Variants in LAMP2 observed in about 807,000 individuals in gnomAD.
The protein encoded by LAMP2 is lysosome-associated membrane glycoprotein 2.
A neutral mutation model predicts 25.6 loss-of-function variants in LAMP2; 4 were observed. The ratio of observed to expected loss-of-function variants is 0.16; its 90% CI spans 0.08 to 0.36. The LOEUF (loss-of-function observed/expected upper bound fraction) is 0.36. LAMP2 is among the 10% of genes least tolerant of loss of function. The pLI is 1.00. For synonymous variants in LAMP2, 108 were observed against 112.7 expected (o/e 0.96, Z 0.27); for missense variants, 272 against 301.4 (o/e 0.90, Z 0.72).
rs1317062823 is a variant in LAMP2 at position 120,442,626 on chromosome X, T to G, written c.901A>C (p.Ile301Leu). 1 of 1,208,767 alleles carries G rather than the reference T, an allele frequency of 8.3e-7. No individual in the cohort carries two copies. Among genetic ancestry groups the G allele is most frequent in the Non-Finnish European group, 1.1e-6 (1 of 893,923 alleles). The change falls in exon 7 of 9, where the codon ATC (isoleucine) becomes CTC (leucine). Residue 301 changes from isoleucine to leucine, a missense_variant. Transcript: ENST00000200639. ...ENRFYLKEVN[I>L]SMYLVNGSVF... ...GAGCCATTAACCAAATACATGCTGATGTTCACTTCCTTCAGATAAAATCGG... is the reference window on the plus strand; with the variant it reads ...GAGCCATTAACCAAATACATGCTGAGGTTCACTTCCTTCAGATAAAATCGG...
At position 120,429,175 on chromosome X, in the gene LAMP2, TACAC is replaced by T. The variant is rs1556075606; in HGVS notation, c.*2144_*2147del. ...GTGTGTGTGTACATATATATATATA[TACAC>T]ACACACACAATTATTTTTAGCTGAG... On this transcript the variant is annotated 3_prime_UTR_variant, in exon 9 of 9. Transcript: ENST00000200639. The T allele has an allele frequency of 2.4e-5, 17 of 715,740 alleles. No homozygotes were observed. The highest frequency in any genetic ancestry group is 2.8e-5 in the Non-Finnish European group (17 of 613,805). The allele number at this position is 715,740 out of a possible 1,213,427, so 59.0% of individuals were successfully genotyped here. A position where few individuals can be genotyped will look rare whatever the true frequency, so the allele number is the denominator to read the frequency against.
At chrX:120,438,817 T>G (rs1450704237) in intron 8 of LAMP2, 1 of 836,574 alleles carries the variant, frequency 1.2e-6, no homozygotes, top group Non-Finnish European at 1.4e-6. Flanking sequence ...AATCTCTTTT[T>G]CAAAAATTGT....
intron 1 of LAMP2, among the ~76,000 whole-genome samples, chrX:120,457,202 A>G (rs2056453172): frequency 9.0e-6 from 1 of 111,690 alleles, no homozygotes; most frequent in Non-Finnish European, 1.9e-5. Context: ...TAAATGAGGT[A>G]AGAGGAAGCC....
intron 8 of LAMP2, chrX:120,436,765 G>A (rs1298003450): frequency 1.4e-6 from 1 of 702,525 alleles, no homozygotes; most frequent in Non-Finnish European, 1.7e-6. Context: ...GGAAATAATA[G>A]TGTAAATAGC....
rs1395492431 is a variant in LAMP2 at position 120,429,147 on chromosome X, TGTGTGTGTGTGTAC to T, written c.*2162_*2175del. Reference sequence around the variant, plus strand: ...ATATATATGTGTGTGTGTATATATATGTGTGTGTGTGTACATATATATATATATACACACACACA... The same window carrying T: ...ATATATATGTGTGTGTGTATATATATATATATATATATATACACACACACA... On this transcript the variant is annotated 3_prime_UTR_variant, in exon 9 of 9. Coordinates refer to ENST00000200639, the MANE Select transcript of LAMP2 (RefSeq NM_002294.3). 1 of 657,506 alleles carries T rather than the reference TGTGTGTGTGTGTAC, an allele frequency of 1.5e-6. No homozygotes were observed. The highest frequency in any genetic ancestry group is 2.8e-5 in the African/African-American group (1 of 35,368). The allele number at this position is 657,506 out of a possible 1,213,427, so 54.2% of individuals were successfully genotyped here. A position where few individuals can be genotyped will look rare whatever the true frequency, so the allele number is the denominator to read the frequency against.
intron 6 of LAMP2, among the ~76,000 whole-genome samples, chrX:120,444,155 A>G (rs1236043323): frequency 8.9e-6 from 1 of 111,854 alleles, no homozygotes; most frequent in Non-Finnish European, 1.9e-5. Flanking sequence ...GAGGAAGAGG[A>G]GCAATCAGGC....
At chrX:120,440,905 A>C (rs1468268987) in intron 8 of LAMP2, among the ~76,000 whole-genome samples, 1 of 112,315 alleles carries the variant, frequency 8.9e-6, no homozygotes, top group African/African-American at 3.2e-5. Context: ...CCACTGCAAA[A>C]GTAGTCGAAT....
chrX:120,441,840 G>C lies in LAMP2; in HGVS notation c.983C>G (p.Ser328Cys). ...LSYWDAPLGS[S>C]YMCNKEQTVS... ...AGTCTGCTCTTTGTTGCACATATAA[G>C]AACTTCCCAGGGGGGCATCCCAGTA... The change falls in exon 8 of 9, where the codon TCT becomes TGT. Residue 328 changes from serine to cysteine, a missense_variant. Physicochemically the swap from Ser to Cys is moderately radical, Grantham distance 112 (BLOSUM62 -1). Transcript: ENST00000200639. 2 of 1,209,294 alleles carry C rather than the reference G, an allele frequency of 1.7e-6. No individual in the cohort carries two copies. Among genetic ancestry groups the C allele is most frequent in the Non-Finnish European group, 2.2e-6 (2 of 893,237 alleles).
rs754581763 is a variant in LAMP2, at chrX:120,460,228, G to A, written c.65-3459C>T. Among the ~76,000 whole-genome samples the A allele has an allele frequency of 1.4e-4, 15 of 109,255 alleles. 1 individual carries two copies. Among genetic ancestry groups the A allele is most frequent in the East Asian group, 8.7e-4 (3 of 3,437 alleles). The allele number at this position is 109,255 out of a possible 115,157, so 94.9% of individuals were successfully genotyped here. On this transcript the variant is annotated intron_variant, in intron 1 of 8. Coordinates refer to ENST00000200639, the MANE Select transcript of LAMP2 (RefSeq NM_002294.3). ...GTAGAGGTTGCAGTGAGCTGAGATC[G>A]CGCCACTGCACTCCAGCCTGGGCAA...
At chrX:120,467,015 TA>T (rs1921567977) in intron 1 of LAMP2, among the ~76,000 whole-genome samples, 1 of 110,929 alleles carries the variant, frequency 9.0e-6, no homozygotes, top group African/African-American at 3.3e-5. Context: ...CTAATTTTTC[TA>T]TTTTTAGTAG....
In LAMP2 at chrX:120,431,415, C is replaced by A; in HGVS notation, c.1141G>T (p.Val381Leu). 8.3e-7 allele frequency: 1 copy of A among 1,211,144 alleles called. No homozygotes were observed. The highest frequency in any genetic ancestry group is 1.1e-6 in the Non-Finnish European group (1 of 894,826). The change falls in exon 9 of 9, where the codon GTG becomes TTG. Residue 381 changes from valine to leucine, a missense_variant. Physicochemically the swap from Val to Leu is conservative, Grantham distance 32 (BLOSUM62 1). Transcript: ENST00000200639. ...DDDNFLVPIAVGAALAGVLIL... is the reference protein window; with the variant it reads ...DDDNFLVPIALGAALAGVLIL... ...AGTACTCCTGCCAAGGCAGCTCCCA[C>A]CGCTATGGGCACAAGGAAGTTGTCG...
chrX:120,451,242 C>T (rs1157287915), intron 3 of LAMP2, among the ~76,000 whole-genome samples: 3 of 110,945 alleles, frequency 2.7e-5, no homozygotes, highest in African/African-American at 6.6e-5. Context: ...ATTTTAATCA[C>T]GAAAAAAATT....
Position 120,458,102 on chromosome X carries a change from C to T in LAMP2, c.65-1333G>A, listed in dbSNP as rs1232084039. ...TGATCATTCTTTTCTAAGTACAATA[C>T]GGAAGGGAGCTGTTATACTTACTGA... On this transcript the variant is annotated intron_variant, in intron 1 of 8. Coordinates refer to ENST00000200639, the MANE Select transcript of LAMP2 (RefSeq NM_002294.3). Among the ~76,000 whole-genome samples the T allele has an allele frequency of 2.7e-5, 3 of 111,749 alleles. No homozygotes were observed. The South Asian group carries it at 1.1e-3, about 42-fold the overall frequency.
At chrX:120,466,610 C>T (rs991385660) in intron 1 of LAMP2, among the ~76,000 whole-genome samples, 33 of 111,600 alleles carry the variant, frequency 3.0e-4, no homozygotes, top group Admixed American at 6.7e-4. Flanking sequence ...CAGGGATTCC[C>T]AAAGTTTTGG....
intron 8 of LAMP2, chrX:120,438,058 T>C (rs927453724): frequency 6.7e-5 from 20 of 300,720 alleles, no homozygotes; most frequent in Admixed American, 9.2e-5. Flanking sequence ...GGTTTCACCA[T>C]GTTGGCCAGG....
At position 120,431,281 on chromosome X, in the gene LAMP2, T is replaced by C. The variant is rs891188414; in HGVS notation, c.*42A>G. On this transcript the variant is annotated 3_prime_UTR_variant, in exon 9 of 9. Coordinates refer to ENST00000200639, the MANE Select transcript of LAMP2 (RefSeq NM_002294.3). ...ACAACTGAGAGGTAAGAAAATCTTG[T>C]TATTTGCATGTATTTTTATATAATC... 1.7e-6 allele frequency: 2 copies of C among 1,207,487 alleles called. No individual in the cohort carries two copies. Among genetic ancestry groups the C allele is most frequent in the Middle Eastern group, 2.3e-4 (1 of 4,327 alleles).
chrX:120,468,720 G>A (rs1265949933), intron 1 of LAMP2, among the ~76,000 whole-genome samples: 1 of 110,140 alleles, frequency 9.1e-6, no homozygotes, highest in Non-Finnish European at 1.9e-5. Context: ...ACTCTTCCCT[G>A]ATCTCAGCAA....
chrX:120,430,215 T>C lies in LAMP2; in HGVS notation c.*1108A>G, dbSNP rs2058517195. 4.0e-6 allele frequency: 3 copies of C among 753,182 alleles called. No homozygotes were observed. The Admixed American group carries it at 2.6e-4, about 66-fold the overall frequency. 62.1% of individuals were successfully genotyped at this position (753,182 alleles called of 1,213,427 possible). On this transcript the variant is annotated 3_prime_UTR_variant, in exon 9 of 9. Transcript: ENST00000200639. Reference sequence around the variant, plus strand: ...CTTCTTTATCTATGTTTCATGTCTGTGCTACTCTTATACCATGGAATATGC... The same window carrying C: ...CTTCTTTATCTATGTTTCATGTCTGCGCTACTCTTATACCATGGAATATGC...
intron 8 of LAMP2, chrX:120,438,445 T>C (rs1034406925): frequency 6.8e-5 from 50 of 734,003 alleles, no homozygotes; most frequent in African/African-American, 1.2e-4. Flanking sequence ...ATTTAAAAGA[T>C]TGAAATATCC....
Sources: gnomAD v4.1 joint callset for allele counts (sites outside exome capture counted in the v4.1 genomes callset) on GRCh38, gnomAD v4.1.1 for gene constraint, MANE v1.5 for transcripts, NCBI Gene and HGNC (gene_info 2026-07-23, HGNC 2026-07-21) for gene names.